Variants in LHX4 observed in about 807,000 individuals in gnomAD.
LHX4 encodes the protein LIM/homeobox protein Lhx4.
A neutral mutation model predicts 39.2 loss-of-function variants in LHX4; 16 were observed. The observed-to-expected ratio is 0.41, with a 90% CI of 0.28 to 0.62. The LOEUF (loss-of-function observed/expected upper bound fraction) is 0.62, where lower values mean the gene tolerates loss of function less well. Among genes scored for constraint, LHX4 ranks in the 20% least tolerant of loss-of-function variants. The pLI, the probability that LHX4 is intolerant of heterozygous loss-of-function variation, is 0.33. For missense variants in LHX4, 439 were observed against 511.9 expected, an observed-to-expected ratio of 0.86 and a Z score of 1.37; for synonymous variants, 206 against 198.1, an observed-to-expected ratio of 1.04 and a Z score of -0.33.
In LHX4 at chr1:180,234,169, T is replaced by TTATATATATATATATATA. The variant is rs777438399; in HGVS notation, c.76+3599_76+3616dup. 5.6e-5 allele frequency among the ~76,000 whole-genome samples: 3 copies of TTATATATATATATATATA among 53,596 alleles called. No individual in the cohort carries two copies. Among genetic ancestry groups the TTATATATATATATATATA allele is most frequent in the East Asian group, 5.7e-4 (1 of 1,766 alleles). 35.2% of individuals were successfully genotyped at this position (53,596 alleles called of 152,430 possible). A position where few individuals can be genotyped will look rare whatever the true frequency, so the allele number is the denominator to read the frequency against. The stretch of plus-strand genomic sequence containing the variant: ...AACAGACACACACAACACACACAAA[T>TTATATATATATATATATA]TATATATATATATATATATATATAT... On this transcript the variant is annotated intron_variant, in intron 1 of 5. Coordinates refer to ENST00000263726, the MANE Select transcript of LHX4 (RefSeq NM_033343.4). This position sits in a 1 kb window ranked among gnomAD's most constrained non-coding sequence, Gnocchi z 4.8.
At chr1:180,268,669 G>A (rs965282389) in intron 3 of LHX4, among the ~76,000 whole-genome samples, 7 of 152,176 alleles carry the variant, frequency 4.6e-5, no homozygotes, top group Non-Finnish European at 7.3e-5. Flanking sequence ...AGAGACTGAC[G>A]TGGAGGAGAA....
At chr1:180,229,099 TGAG>T (rs952166482), upstream of LHX4, among the ~76,000 whole-genome samples, 12 of 152,304 alleles carry the variant, frequency 7.9e-5, no homozygotes, top group African/African-American at 2.4e-4. Context: ...AAACTCGCGT[TGAG>T]GAGAATTTGT....
chr1:180,267,774 A>ATT (rs1178565559), intron 3 of LHX4, among the ~76,000 whole-genome samples: 1 of 152,166 alleles, frequency 6.6e-6, no homozygotes, highest in Non-Finnish European at 1.5e-5. Flanking sequence ...GCCCACACAC[A>ATT]TATTATACAG....
chr1:180,243,531 T>C (rs975123001), intron 1 of LHX4, among the ~76,000 whole-genome samples: 21 of 152,198 alleles, frequency 1.4e-4, no homozygotes, highest in African/African-American at 5.1e-4. Context: ...TTCCAGATAG[T>C]TTATATTTTT....
At chr1:180,254,049 C>T (rs560485927) in intron 2 of LHX4, among the ~76,000 whole-genome samples, 52 of 152,304 alleles carry the variant, frequency 3.4e-4, no homozygotes, top group Non-Finnish European at 5.7e-4. Flanking sequence ...CGTTCCTACA[C>T]GTTTGTAAGG....
rs890272778 is a variant in LHX4 at position 180,278,698 on chromosome 1, A to C, written c.*4119A>C. On this transcript the variant is annotated 3_prime_UTR_variant, in exon 6 of 6. Transcript: ENST00000263726. ...AGGTTCAGGGCTGCGGGATTCCAGAAGTTGCTCTGAGCTTGCAATCAGACC... is the reference window on the plus strand; with the variant it reads ...AGGTTCAGGGCTGCGGGATTCCAGACGTTGCTCTGAGCTTGCAATCAGACC... 6.6e-6 allele frequency: 1 copy of C among 151,890 alleles called. No individual in the cohort carries two copies. The highest frequency in any genetic ancestry group is 1.5e-5 in the Non-Finnish European group (1 of 68,026). 9.4% of individuals were successfully genotyped at this position (151,890 alleles called of 1,614,324 possible). A position where few individuals can be genotyped will look rare whatever the true frequency, so the allele number is the denominator to read the frequency against.
chr1:180,248,182 T>C, intron 1 of LHX4, 103 bp from the exon 2 acceptor site: 1 of 1,085,866 alleles, frequency 9.2e-7, no homozygotes. Flanking sequence ...GGGCCATGTC[T>C]GTTTCCACCA....
rs1664154426 is a variant in LHX4, at chr1:180,230,630, A to G, written c.76+25A>G. 4 of 1,601,954 alleles carry G rather than the reference A, an allele frequency of 2.5e-6. No homozygotes were observed. In the East Asian group the frequency reaches 8.9e-5, roughly 36 times the overall value. On this transcript the variant is annotated intron_variant, in intron 1 of 5. Coordinates refer to ENST00000263726, the MANE Select transcript of LHX4 (RefSeq NM_033343.4). The surrounding 1 kb of genome is among the most constrained non-coding windows in gnomAD (Gnocchi z 5.8). ...CGTAAGACACCCCCCTTTCTCGCTG[A>G]TTTAATTCTAACAAGACAGCTAGCA...
intron 3 of LHX4, among the ~76,000 whole-genome samples, chr1:180,267,828 C>T (rs1385382995): frequency 6.6e-6 from 1 of 152,124 alleles, no homozygotes; most frequent in Non-Finnish European, 1.5e-5. Context: ...TCATTGAACA[C>T]AGTATAAAAT....
At chr1:180,251,590 G>T (rs941561509) in intron 2 of LHX4, among the ~76,000 whole-genome samples, 1 of 152,224 alleles carries the variant, frequency 6.6e-6, no homozygotes, top group South Asian at 2.1e-4. Context: ...TTGTCCATAG[G>T]CCACTGCTGG....
intron 1 of LHX4, among the ~76,000 whole-genome samples, chr1:180,247,452 A>G (rs1291587417): frequency 6.6e-6 from 1 of 152,184 alleles, no homozygotes; most frequent in Non-Finnish European, 1.5e-5. Context: ...TGATCAGGAC[A>G]GTGCAATACC....
chr1:180,249,642 T>C (rs184603929), intron 2 of LHX4, among the ~76,000 whole-genome samples: 2 of 152,344 alleles, frequency 1.3e-5, no homozygotes, highest in East Asian at 3.9e-4. Context: ...GGGAGAAATG[T>C]GAGTCCTGGA....
intron 1 of LHX4, among the ~76,000 whole-genome samples, chr1:180,244,918 TCC>T (rs1301994277): frequency 5.2e-5 from 2 of 38,600 alleles, no homozygotes; most frequent in African/African-American, 9.7e-5. Context: ...CATGAAGCCC[TCC>T]CTGCACAGCT....
At position 180,264,378 on chromosome 1, in the gene LHX4, A is replaced by AACACACACACACACACACACACACACAC. The variant is rs10561933; in HGVS notation, c.249-2006_249-1979dup. Among the ~76,000 whole-genome samples the AACACACACACACACACACACACACACAC allele has an allele frequency of 8.7e-3, 1,271 of 145,356 alleles. 16 individuals are homozygous for AACACACACACACACACACACACACACAC. Among genetic ancestry groups the AACACACACACACACACACACACACACAC allele is most frequent in the African/African-American group, 0.012 (455 of 39,186 alleles). ...CTTTCTCTGTTATACACACACACAT[A>AACACACACACACACACACACACACACAC]ACACACACACACACACACACACACA... On this transcript the variant is annotated intron_variant, in intron 2 of 5. Transcript: ENST00000263726.
chr1:180,261,857 C>T (rs1489237761), intron 2 of LHX4, among the ~76,000 whole-genome samples: 1 of 152,164 alleles, frequency 6.6e-6, no homozygotes, highest in African/African-American at 2.4e-5. Flanking sequence ...TAGCTTTGAG[C>T]TTTTGGGGGT....
chr1:180,243,294 G>GTACCTCTGTA (rs1463753676), intron 1 of LHX4, among the ~76,000 whole-genome samples: 5 of 151,972 alleles, frequency 3.3e-5, no homozygotes. Context: ...TCTGTAAGGG[G>GTACCTCTGTA]AGGGGAGGGG....
chr1:180,268,111 C>T (rs553493821), intron 3 of LHX4, among the ~76,000 whole-genome samples: 1 of 152,366 alleles, frequency 6.6e-6, no homozygotes, highest in East Asian at 1.9e-4. Flanking sequence ...TTAAAACTCA[C>T]TCCATGCTAT....
rs146997948 is a variant in LHX4 at position 180,266,611 on chromosome 1, C to T, written c.451+17C>T. 2.9e-5 allele frequency: 47 copies of T among 1,612,132 alleles called. 1 individual carries two copies. Among genetic ancestry groups the T allele is most frequent in the South Asian group, 1.1e-4 (10 of 90,870 alleles). ...AGCAGAACGGTAAGCAGCATGGCCCCGCATGGTCCCCTCTCCAGGCCTTTG... is the reference window on the plus strand; with the variant it reads ...AGCAGAACGGTAAGCAGCATGGCCCTGCATGGTCCCCTCTCCAGGCCTTTG... On this transcript the variant is annotated intron_variant, in intron 3 of 5. Transcript: ENST00000263726. The surrounding 1 kb of genome is among the most constrained non-coding windows in gnomAD (Gnocchi z 5.7).
In LHX4 at chr1:180,274,597, C is replaced by A. The variant is rs1468744404; in HGVS notation, c.*18C>A. 6.5e-7 allele frequency: 1 copy of A among 1,543,072 alleles called. No homozygotes were observed. The highest frequency in any genetic ancestry group is 1.2e-5 in the South Asian group (1 of 81,680). On this transcript the variant is annotated 3_prime_UTR_variant, in exon 6 of 6. Coordinates refer to ENST00000263726, the MANE Select transcript of LHX4 (RefSeq NM_033343.4). ...CTTTTTAAACTTCTCTCCTCCCCACCCTACCTGCCCCCCTGGCTTGAGAGA... is the reference window on the plus strand; with the variant it reads ...CTTTTTAAACTTCTCTCCTCCCCACACTACCTGCCCCCCTGGCTTGAGAGA...
Sources: allele counts gnomAD v4.1 joint callset (sites outside exome capture counted in the v4.1 genomes callset), GRCh38; gene constraint gnomAD v4.1.1; non-coding constraint Gnocchi (gnomAD v3.1); transcripts MANE v1.5; gene names NCBI Gene and HGNC (gene_info 2026-07-23, HGNC 2026-07-21).